Variants in RPRD1B observed in about 807,000 individuals in gnomAD.
RPRD1B encodes regulation of nuclear pre-mRNA domain-containing protein 1B.
In RPRD1B, 11 loss-of-function variants were observed where a neutral mutation model predicts 41.5. The ratio of observed to expected loss-of-function variants is 0.27; its 90% CI spans 0.17 to 0.44. RPRD1B has a LOEUF of 0.44. RPRD1B is among the 20% of genes least tolerant of loss of function. RPRD1B has a pLI of 1.00. For missense variants in RPRD1B, 248 were observed against 389.9 expected, an observed-to-expected ratio of 0.64 and a Z score of 3.06; for synonymous variants, 158 against 155.6, an observed-to-expected ratio of 1.02 and a Z score of -0.12.
At chr20:38,047,769 C>A (rs905502671) in intron 2 of RPRD1B, among the ~76,000 whole-genome samples, 14 of 152,028 alleles carry the variant, frequency 9.2e-5, no homozygotes, top group African/African-American at 3.1e-4. Flanking sequence ...TAAGTGTGTT[C>A]TAAGATTATC....
At chr20:38,085,940 A>G (rs1022791561) in intron 6 of RPRD1B, among the ~76,000 whole-genome samples, 60 of 151,510 alleles carry the variant, frequency 4.0e-4, no homozygotes, top group African/African-American at 1.4e-3. Flanking sequence ...CCTGGGCTCA[A>G]GCAATCTTCC....
chr20:38,048,434 A>C lies in RPRD1B; in HGVS notation c.368A>C (p.Gln123Pro). The C allele has an allele frequency of 1.2e-6, 2 of 1,613,918 alleles. No individual in the cohort carries two copies. The highest frequency in any genetic ancestry group is 1.7e-6 in the Non-Finnish European group (2 of 1,179,800). The change falls in exon 3 of 7, where the codon CAG becomes CCG. Residue 123 changes from glutamine (Q) to proline (P), a missense_variant. Physicochemically the swap from Gln to Pro is moderately conservative, Grantham distance 76. This residue lies in a region of RPRD1B where 94 missense variants were observed against 82.3 expected (regional missense o/e 1.14). Coordinates refer to ENST00000373433, the MANE Select transcript of RPRD1B (RefSeq NM_021215.4). ...AGTGTGTATGGCGGCGAGTTCATAC[A>C]GCAGCTGAAGCTGTCTATGGAGGAC... ...ERSVYGGEFI[Q>P]QLKLSMEDSK... is the part of the protein sequence containing the mutation.
In RPRD1B at chr20:38,033,857, C is replaced by G; in HGVS notation, c.-91C>G. Reference sequence around the variant, plus strand: ...GTCAGTCGGTAAAAAGTCCCGCAGCCTGTCAGGTGAGGCCCCGGCCTCGTG... The same window carrying G: ...GTCAGTCGGTAAAAAGTCCCGCAGCGTGTCAGGTGAGGCCCCGGCCTCGTG... On this transcript the variant is annotated 5_prime_UTR_variant, in exon 1 of 7. Transcript: ENST00000373433. 7.6e-7 allele frequency: 1 copy of G among 1,317,346 alleles called. No homozygotes were observed. The highest frequency in any genetic ancestry group is 1.5e-5 in the South Asian group (1 of 68,802). The allele number at this position is 1,317,346 out of a possible 1,614,324, so 81.6% of individuals were successfully genotyped here.
At chr20:38,071,291 A>G (rs1255832429) in intron 6 of RPRD1B, among the ~76,000 whole-genome samples, 5 of 152,284 alleles carry the variant, frequency 3.3e-5, no homozygotes, top group African/African-American at 9.6e-5. Context: ...ACAGTATTGT[A>G]TCAAGTTCCA....
chr20:38,038,462 A>T (rs1048465144), intron 1 of RPRD1B, among the ~76,000 whole-genome samples: 2 of 142,248 alleles, frequency 1.4e-5, no homozygotes, highest in African/African-American at 2.6e-5. Flanking sequence ...GGCGCCTGGC[A>T]CCACGCCCGG....
chr20:38,048,495 C>T lies in RPRD1B; in HGVS notation c.415+14C>T. On this transcript the variant is annotated intron_variant, in intron 3 of 6. Coordinates refer to ENST00000373433, the MANE Select transcript of RPRD1B (RefSeq NM_021215.4). ...CTCCCCCCAAAGGTAGAAACATCAC[C>T]ACATGTTTACAGCTCTTGGTCTTTG... 1.9e-6 allele frequency: 3 copies of T among 1,592,714 alleles called. No individual in the cohort carries two copies. The highest frequency in any genetic ancestry group is 2.2e-5 in the South Asian group (2 of 89,450).
At position 38,091,983 on chromosome 20, in the gene RPRD1B, C is replaced by G. The variant is rs999199295; in HGVS notation, c.*2108C>G. 4.1e-6 allele frequency: 4 copies of G among 985,806 alleles called. No individual in the cohort carries two copies. In the African/African-American group the frequency reaches 7.0e-5, roughly 17 times the overall value. The allele number at this position is 985,806 out of a possible 1,614,324, so 61.1% of individuals were successfully genotyped here. A position where few individuals can be genotyped will look rare whatever the true frequency, so the allele number is the denominator to read the frequency against. Reference sequence around the variant, plus strand: ...GTTAGTTTTTTGTTTTGATGAAATGCTTTCGTTTTTTAAATCTTAATTCTG... The same window carrying G: ...GTTAGTTTTTTGTTTTGATGAAATGGTTTCGTTTTTTAAATCTTAATTCTG... On this transcript the variant is annotated 3_prime_UTR_variant, in exon 7 of 7. Coordinates refer to ENST00000373433, the MANE Select transcript of RPRD1B (RefSeq NM_021215.4).
intron 6 of RPRD1B, among the ~76,000 whole-genome samples, chr20:38,080,828 G>A (rs111389337): frequency 0.033 from 4,958 of 152,176 alleles, 269 homozygotes; most frequent in African/African-American, 0.11. Context: ...CCCAGCCAGT[G>A]TACAGCTTTA....
chr20:38,062,302 G>A (rs935163903), intron 5 of RPRD1B, among the ~76,000 whole-genome samples: 1 of 152,018 alleles, frequency 6.6e-6, no homozygotes, highest in Non-Finnish European at 1.5e-5. Context: ...TCTTTAGCTG[G>A]TTTCACTGGC....
chr20:38,081,191 T>TCCATGAGCATAGAAGTTTTTCCTAC (rs2074509579), intron 6 of RPRD1B, among the ~76,000 whole-genome samples: 1 of 152,234 alleles, frequency 6.6e-6, no homozygotes, highest in Non-Finnish European at 1.5e-5. Context: ...ATTTTTCCTA[T>TCCATGAGCATAGAAGTTTTTCCTAC]CCATGAGCAT....
At chr20:38,057,816 G>A (rs1266777064) in intron 4 of RPRD1B, among the ~76,000 whole-genome samples, 172 bp downstream of exon 4, 4 of 152,180 alleles carry the variant, frequency 2.6e-5, no homozygotes, top group African/African-American at 9.7e-5. Context: ...GCAGGTGTCA[G>A]TATGTCTTTG....
chr20:38,051,803 G>A, intron 3 of RPRD1B, among the ~76,000 whole-genome samples: 1 of 152,160 alleles, frequency 6.6e-6, no homozygotes, highest in African/African-American at 2.4e-5. Flanking sequence ...CCAGGCTGGA[G>A]TGCAATGGCG....
intron 3 of RPRD1B, among the ~76,000 whole-genome samples, chr20:38,053,242 T>A (rs559697476): frequency 1.3e-5 from 2 of 152,162 alleles, no homozygotes; most frequent in African/African-American, 2.4e-5. Context: ...TTTTAATTTT[T>A]AAAAAAATGT....
At chr20:38,066,358 T>A in intron 6 of RPRD1B, 102 bp downstream of exon 6, 1 of 1,102,156 alleles carries the variant, frequency 9.1e-7, no homozygotes, top group Non-Finnish European at 1.3e-6. Context: ...TTTTATCGTT[T>A]AAAAATTCAT....
chr20:38,052,929 C>T (rs1433290020), intron 3 of RPRD1B, among the ~76,000 whole-genome samples: 1 of 151,944 alleles, frequency 6.6e-6, no homozygotes, highest in East Asian at 1.9e-4. Flanking sequence ...AATTCTCCCA[C>T]AATCAGGTTG....
At chr20:38,067,701 G>T (rs1342649101) in intron 6 of RPRD1B, among the ~76,000 whole-genome samples, 1 of 152,240 alleles carries the variant, frequency 6.6e-6, no homozygotes. Context: ...CTACAGCTTA[G>T]ATTTAGACAT....
intron 6 of RPRD1B, among the ~76,000 whole-genome samples, chr20:38,081,824 TTTTTG>T (rs1382967204): frequency 6.6e-6 from 1 of 152,156 alleles, no homozygotes; most frequent in Non-Finnish European, 1.5e-5. Flanking sequence ...GATGATGAAG[TTTTTG>T]TTTTTAGTTC....
At chr20:38,049,240 G>A (rs1437968339) in intron 3 of RPRD1B, among the ~76,000 whole-genome samples, 8 of 151,402 alleles carry the variant, frequency 5.3e-5, no homozygotes, top group Admixed American at 4.6e-4. Context: ...GAGTCACTGC[G>A]CCCAGCTTAA....
chr20:38,063,986 T>C (rs932638965), intron 5 of RPRD1B, among the ~76,000 whole-genome samples: 1 of 152,252 alleles, frequency 6.6e-6, no homozygotes, highest in Non-Finnish European at 1.5e-5. Flanking sequence ...TCTTAAAAAT[T>C]AGTATTTGCC....
Sources: gnomAD v4.1 joint callset for allele counts (sites outside exome capture counted in the v4.1 genomes callset) on GRCh38, gnomAD v4.1.1 for gene constraint, gnomAD v4.1.1 regional missense constraint, MANE v1.5 for transcripts, NCBI Gene and HGNC (gene_info 2026-07-23, HGNC 2026-07-21) for gene names.